The following TRDN variants were observed in gnomAD, a reference collection of about 807,000 sequenced individuals.
TRDN encodes the protein triadin, also known as triadin in skeletal muscle.
In TRDN, 161 loss-of-function variants were observed where a neutral mutation model predicts 149.7. The ratio of observed to expected loss-of-function variants is 1.08; its 90% CI spans 0.95 to 1.23. TRDN has a LOEUF of 1.23. Among genes scored for constraint, TRDN ranks in the 50% most tolerant of loss-of-function variants. The pLI is 0.00. For missense variants in TRDN, 896 were observed against 823.5 expected, an observed-to-expected ratio of 1.09 and a Z score of -1.08; for synonymous variants, 294 against 250.5, an observed-to-expected ratio of 1.17 and a Z score of -1.64.
At chr6:123,634,763 A>G (rs1786204781) in intron 1 of TRDN, among the ~76,000 whole-genome samples, 1 of 104,444 alleles carries the variant, frequency 9.6e-6, no homozygotes, top group South Asian at 2.4e-4. Context: ...TCCAGAAAAC[A>G]AAAAAAAATG....
chr6:123,554,856 T>C (rs1348701600), intron 2 of TRDN, among the ~76,000 whole-genome samples: 1 of 152,184 alleles, frequency 6.6e-6, no homozygotes, highest in Non-Finnish European at 1.5e-5. Context: ...GCTGAGAGAA[T>C]ACAAAGACTT....
chr6:123,370,107 A>G (rs1582928941), intron 19 of TRDN, among the ~76,000 whole-genome samples: 1 of 152,194 alleles, frequency 6.6e-6, no homozygotes, highest in African/African-American at 2.4e-5. Context: ...ATGAATAGCA[A>G]TAAAGAATGT....
chr6:123,226,613 T>G (rs1057265755), intron 38 of TRDN, among the ~76,000 whole-genome samples: 2 of 151,838 alleles, frequency 1.3e-5, no homozygotes, highest in Non-Finnish European at 2.9e-5. Flanking sequence ...CACAAGAAAG[T>G]AAACGGCAAA....
At chr6:123,354,450 C>A (rs1400728144) in intron 20 of TRDN, among the ~76,000 whole-genome samples, 1 of 151,832 alleles carries the variant, frequency 6.6e-6, no homozygotes, top group East Asian at 1.9e-4. Context: ...CTTTCACAGG[C>A]AAACTCCTGT....
intron 38 of TRDN, among the ~76,000 whole-genome samples, chr6:123,236,756 TG>T (rs1324703271): frequency 6.6e-6 from 1 of 152,160 alleles, no homozygotes; most frequent in Non-Finnish European, 1.5e-5. Flanking sequence ...TTATGTTATG[TG>T]GGTCTATTTC....
intron 10 of TRDN, among the ~76,000 whole-genome samples, chr6:123,453,925 A>C (rs1304926171): frequency 6.7e-6 from 1 of 149,892 alleles, no homozygotes; most frequent in Non-Finnish European, 1.5e-5. Context: ...ATGTATATAT[A>C]TACATGATGG....
At chr6:123,294,428 A>T (rs1384870972) in intron 24 of TRDN, among the ~76,000 whole-genome samples, 1 of 152,016 alleles carries the variant, frequency 6.6e-6, no homozygotes, top group African/African-American at 2.4e-5. Context: ...CCTTTTTGAC[A>T]CCAGGGACTG....
intron 9 of TRDN, among the ~76,000 whole-genome samples, chr6:123,494,573 C>T (rs1469422667): frequency 6.6e-6 from 1 of 152,080 alleles, no homozygotes; most frequent in Non-Finnish European, 1.5e-5. Context: ...GAAAATAATG[C>T]ATGTTAGTCA....
chr6:123,398,336 A>G (rs757461877), intron 12 of TRDN, among the ~76,000 whole-genome samples: 3 of 152,172 alleles, frequency 2.0e-5, no homozygotes, highest in Non-Finnish European at 4.4e-5. Flanking sequence ...TAAGAAAACT[A>G]AATATAGAAA....
intron 33 of TRDN, among the ~76,000 whole-genome samples, chr6:123,264,086 G>A (rs190808352): frequency 4.6e-5 from 7 of 151,998 alleles, no homozygotes; most frequent in East Asian, 1.9e-4. Context: ...TCTGCAGCCC[G>A]TGGGACTAAA....
At chr6:123,308,528 C>T (rs1778698773) in intron 24 of TRDN, among the ~76,000 whole-genome samples, 1 of 151,830 alleles carries the variant, frequency 6.6e-6, no homozygotes, top group Admixed American at 6.6e-5. Context: ...ACTCTCTTTC[C>T]TTTGTCTTCT....
chr6:123,608,621 T>C (rs1460466267), intron 1 of TRDN, among the ~76,000 whole-genome samples: 3 of 152,166 alleles, frequency 2.0e-5, no homozygotes, highest in Non-Finnish European at 4.4e-5. Context: ...TATGCAACTT[T>C]AAAAATGATA....
intron 38 of TRDN, among the ~76,000 whole-genome samples, chr6:123,248,193 A>G (rs1776251638): frequency 2.0e-5 from 3 of 152,210 alleles, no homozygotes; most frequent in Non-Finnish European, 4.4e-5. Flanking sequence ...TAGCCTAAGC[A>G]GGAATATAAG....
chr6:123,242,649 A>C (rs926594680), intron 38 of TRDN, among the ~76,000 whole-genome samples: 6 of 152,134 alleles, frequency 3.9e-5, no homozygotes, highest in Non-Finnish European at 8.8e-5. Context: ...AATTCAACAG[A>C]GAAGTGATAG....
At chr6:123,325,285 T>A (rs764516896) in intron 23 of TRDN, among the ~76,000 whole-genome samples, 32 of 152,130 alleles carry the variant, frequency 2.1e-4, no homozygotes, top group Non-Finnish European at 4.0e-4. Context: ...AGTTGTAGTA[T>A]TTCTCCTTAA....
intron 12 of TRDN, among the ~76,000 whole-genome samples, chr6:123,419,843 A>C (rs929970814): frequency 3.3e-5 from 5 of 152,208 alleles, no homozygotes; most frequent in Non-Finnish European, 7.3e-5. Flanking sequence ...AAACTTTGAC[A>C]ATCGTTTTAG....
intron 24 of TRDN, among the ~76,000 whole-genome samples, chr6:123,309,028 C>T (rs978967426): frequency 5.9e-5 from 9 of 151,824 alleles, no homozygotes; most frequent in African/African-American, 2.2e-4. Flanking sequence ...TTTATGCAAC[C>T]TTTATGTTGC....
chr6:123,221,675 T>G (rs1775153416), intron 39 of TRDN, among the ~76,000 whole-genome samples, 153 bp from the exon 40 acceptor site: 1 of 151,824 alleles, frequency 6.6e-6, no homozygotes, highest in Non-Finnish European at 1.5e-5. Flanking sequence ...ACACAGATTC[T>G]ATTCATATTT....
chr6:123,623,500 A>G (rs973696167), intron 1 of TRDN, among the ~76,000 whole-genome samples: 1 of 152,014 alleles, frequency 6.6e-6, no homozygotes, highest in African/African-American at 2.4e-5. Context: ...GGTACTAATT[A>G]TTTTGCAATC....
Sources: gnomAD v4.1 joint callset for allele counts (sites outside exome capture counted in the v4.1 genomes callset) on GRCh38, gnomAD v4.1.1 for gene constraint, MANE v1.5 for transcripts, NCBI Gene and HGNC (gene_info 2026-07-23, HGNC 2026-07-21) for gene names.